The following KLHL7 variants were observed in gnomAD, a reference collection of about 807,000 sequenced individuals.
The protein encoded by KLHL7 is kelch like family member 7.
In KLHL7, 44 loss-of-function variants were observed where a neutral mutation model predicts 67.4. The ratio of observed to expected loss-of-function variants is 0.65; its 90% CI spans 0.51 to 0.84. KLHL7 has a LOEUF of 0.84. Ranked by LOEUF, KLHL7 falls within the 40% of genes least tolerant of loss-of-function variation. The pLI, the probability that KLHL7 is intolerant of heterozygous loss-of-function variation, is 0.00. For synonymous variants in KLHL7, 252 were observed against 243.3 expected (o/e 1.04, Z -0.33); for missense variants, 362 against 718.1 (o/e 0.50, Z 5.67).
intron 4 of KLHL7, among the ~76,000 whole-genome samples, chr7:23,135,543 T>C (rs1783946920): frequency 6.6e-6 from 1 of 152,242 alleles, no homozygotes; most frequent in Non-Finnish European, 1.5e-5. Context: ...TCTCCAGCCA[T>C]ATAATGCCCT....
At chr7:23,124,946 A>T in intron 3 of KLHL7, 102 bp from the exon 4 acceptor site, 1 of 1,220,918 alleles carries the variant, frequency 8.2e-7, no homozygotes, top group Non-Finnish European at 1.2e-6. Flanking sequence ...CTGAAAGTTT[A>T]ATTTTGTGTT....
intron 4 of KLHL7, among the ~76,000 whole-genome samples, chr7:23,127,224 G>A (rs1187368199): frequency 6.6e-6 from 1 of 152,184 alleles, no homozygotes; most frequent in Non-Finnish European, 1.5e-5. Flanking sequence ...GGTAGTAGAT[G>A]TGGTGGTGCA....
chr7:23,174,256 T>C lies in KLHL7; in HGVS notation c.1719T>C (p.Val573=). The C allele has an allele frequency of 6.2e-7, 1 of 1,614,168 alleles. No homozygotes were observed. Among genetic ancestry groups the C allele is most frequent in the Non-Finnish European group, 8.5e-7 (1 of 1,180,002 alleles). The stretch of plus-strand genomic sequence containing the variant: ...CAGTCACAAGTTGTTTAATTTGTGT[T>C]GTCGATACTTGTGGAGCAAATGAAG... ...AFPVTSCLIC[V]VDTCGANEET... The change falls in exon 11 of 11, where the codon GTT becomes GTC. Residue 573 remains valine, a synonymous_variant. Coordinates refer to ENST00000339077, the MANE Select transcript of KLHL7 (RefSeq NM_001031710.3).
chr7:23,167,129 T>C (rs1785024884), intron 8 of KLHL7, among the ~76,000 whole-genome samples: 1 of 151,976 alleles, frequency 6.6e-6, no homozygotes, highest in African/African-American at 2.4e-5. Flanking sequence ...TTTTTTGTCC[T>C]TGGGAAGGAA....
intron 4 of KLHL7, among the ~76,000 whole-genome samples, chr7:23,135,698 T>C (rs1338999759): frequency 6.6e-6 from 1 of 152,242 alleles, no homozygotes; most frequent in African/African-American, 2.4e-5. Flanking sequence ...TCACAGGGCC[T>C]ACTCTGTCCC....
At chr7:23,167,748 T>C in intron 8 of KLHL7, 88 bp from the exon 9 acceptor site, 2 of 1,207,940 alleles carry the variant, frequency 1.7e-6, no homozygotes, top group Admixed American at 1.8e-5. Flanking sequence ...AAATTCTTCC[T>C]TCCTTAACTA....
At position 23,118,232 on chromosome 7, in the gene KLHL7, A is replaced by C. The variant is rs1027976825; in HGVS notation, c.121-5545A>C. Among the ~76,000 whole-genome samples, 6 of 152,244 alleles carry C rather than the reference A, an allele frequency of 3.9e-5. No homozygotes were observed. The South Asian group carries it at 8.3e-4, about 21-fold the overall frequency. Reference sequence around the variant, plus strand: ...AGAACCAAAGGATTCTTCCTGTAAAAGCCCCCAAATCTTTCAGGCACTAAA... The same window carrying C: ...AGAACCAAAGGATTCTTCCTGTAAACGCCCCCAAATCTTTCAGGCACTAAA... On this transcript the variant is annotated intron_variant, in intron 1 of 10. Coordinates refer to ENST00000339077, the MANE Select transcript of KLHL7 (RefSeq NM_001031710.3).
intron 1 of KLHL7, among the ~76,000 whole-genome samples, chr7:23,108,490 G>T (rs146199334): frequency 1.3e-5 from 2 of 152,272 alleles, no homozygotes; most frequent in Non-Finnish European, 2.9e-5. Flanking sequence ...ATTACAAAGT[G>T]CACATCCCAC....
At chr7:23,141,704 G>A (rs768494822) in intron 5 of KLHL7, among the ~76,000 whole-genome samples, 3 of 150,526 alleles carry the variant, frequency 2.0e-5, no homozygotes, top group African/African-American at 4.9e-5. Context: ...CTCACTGCAA[G>A]CTCCTTCTCC....
intron 6 of KLHL7, among the ~76,000 whole-genome samples, chr7:23,151,281 AT>A (rs1349781344): frequency 6.6e-6 from 1 of 151,362 alleles, no homozygotes; most frequent in Non-Finnish European, 1.5e-5. Flanking sequence ...CTTTCTTCAT[AT>A]TGTTGTCTAA....
rs1263098218 is a variant in KLHL7 at position 23,174,525 on chromosome 7, A to G, written c.*227A>G. On this transcript the variant is annotated 3_prime_UTR_variant, in exon 11 of 11. Coordinates refer to ENST00000339077, the MANE Select transcript of KLHL7 (RefSeq NM_001031710.3). ...AACATATCTAGCAAGAAAACTTGAAAAAGTATAAGCATTTGTTAAAAATGT... is the reference window on the plus strand; with the variant it reads ...AACATATCTAGCAAGAAAACTTGAAGAAGTATAAGCATTTGTTAAAAATGT... 2 of 662,850 alleles carry G rather than the reference A, an allele frequency of 3.0e-6. No individual in the cohort carries two copies. Among genetic ancestry groups the G allele is most frequent in the Non-Finnish European group, 5.5e-6 (2 of 362,134 alleles). 41.1% of individuals were successfully genotyped at this position (662,850 alleles called of 1,614,324 possible).
At position 23,140,891 on chromosome 7, in the gene KLHL7, C is replaced by T. The variant is rs943339467; in HGVS notation, c.565C>T (p.Arg189Ter). 6 of 1,613,862 alleles carry T rather than the reference C, an allele frequency of 3.7e-6. No individual in the cohort carries two copies. The highest frequency in any genetic ancestry group is 1.3e-5 in the African/African-American group (1 of 74,902). ...TGAATTTCTTCAACTTGATGTCAAG[C>T]GAGTAACACATCTTCTCAACCAGGA... Reference protein sequence around the residue: ...TDEFLQLDVKRVTHLLNQDTL... With the variant: ...TDEFLQLDVK The change falls in exon 5 of 11, where the codon CGA (arginine) becomes TGA (stop). Residue 189 changes from arginine to a stop codon, truncating the protein, a stop_gained. Coordinates refer to ENST00000339077, the MANE Select transcript of KLHL7 (RefSeq NM_001031710.3). LOFTEE classifies it high-confidence loss of function.
chr7:23,157,935 A>T (rs1784754960), intron 7 of KLHL7, among the ~76,000 whole-genome samples: 1 of 152,182 alleles, frequency 6.6e-6, no homozygotes, highest in Non-Finnish European at 1.5e-5. Context: ...GGAAGAAATG[A>T]GGAAAATGGG....
chr7:23,135,618 A>G (rs958673624), intron 4 of KLHL7, among the ~76,000 whole-genome samples: 2 of 152,228 alleles, frequency 1.3e-5, no homozygotes, highest in Non-Finnish European at 2.9e-5. Flanking sequence ...TCACTAGGCT[A>G]TCAGGCATAC....
Position 23,168,029 on chromosome 7 carries a change from C to T in KLHL7, c.1371C>T (p.Ala457=). The T allele has an allele frequency of 6.2e-7, 1 of 1,613,422 alleles. No individual in the cohort carries two copies. Residue 457 remains alanine (A), a synonymous_variant, in exon 9 of 11, where the codon GCC becomes GCT. Transcript: ENST00000339077. ...ATTCCTGTGAAGTTTATGATCCTGC[C>T]ACAGAAACGTATGTATCTATTTAAA... ...VLNSCEVYDP[A]TETWTELCPM...
At chr7:23,166,861 T>G (rs1009748520) in intron 8 of KLHL7, among the ~76,000 whole-genome samples, 1 of 151,190 alleles carries the variant, frequency 6.6e-6, no homozygotes, top group Non-Finnish European at 1.5e-5. Flanking sequence ...TAAGTAGTAG[T>G]TTTTTTTTAA....
At chr7:23,129,878 T>G (rs894209946) in intron 4 of KLHL7, 1 of 153,802 alleles carries the variant, frequency 6.5e-6, no homozygotes. Flanking sequence ...GAGCAGAACC[T>G]CCTTGTCCTT....
intron 9 of KLHL7, chr7:23,172,704 A>G (rs544007336): frequency 1.6e-4 from 56 of 357,972 alleles, no homozygotes; most frequent in Non-Finnish European, 2.5e-4. Context: ...TTTAATAGAT[A>G]TCCTCATTTT....
chr7:23,169,023 G>C (rs1785080360), intron 9 of KLHL7, among the ~76,000 whole-genome samples: 1 of 152,184 alleles, frequency 6.6e-6, no homozygotes, highest in Admixed American at 6.5e-5. Context: ...CACTTTGGGA[G>C]GCTGAGGCAG....
Sources: gnomAD v4.1 joint callset for allele counts (sites outside exome capture counted in the v4.1 genomes callset) on GRCh38, gnomAD v4.1.1 for gene constraint, MANE v1.5 for transcripts, NCBI Gene and HGNC (gene_info 2026-07-23, HGNC 2026-07-21) for gene names.